The following OSGEPL1 variants were observed in gnomAD, a reference collection of about 807,000 sequenced individuals.
OSGEPL1 encodes the protein O-sialoglycoprotein endopeptidase like 1, also known as tRNA N6-adenosine threonylcarbamoyltransferase, mitochondrial.
In OSGEPL1, 26 loss-of-function variants were observed where a neutral mutation model predicts 37.2. The ratio of observed to expected loss-of-function variants is 0.70; its 90% CI spans 0.51 to 0.97. The LOEUF is 0.97. Ranked by LOEUF, OSGEPL1 falls within the 50% of genes least tolerant of loss-of-function variation. OSGEPL1 has a pLI of 0.00. For synonymous variants in OSGEPL1, 140 were observed against 159.9 expected, an observed-to-expected ratio of 0.88 and a Z score of 0.94; for missense variants, 404 against 487.0, an observed-to-expected ratio of 0.83 and a Z score of 1.60.
chr2:189,753,779 A>G, intron 5 of OSGEPL1, 137 bp downstream of exon 5: 1 of 944,982 alleles, frequency 1.1e-6, no homozygotes, highest in South Asian at 1.8e-5. Flanking sequence ...AGTCTTTCCT[A>G]TCCTGCATAA....
upstream of OSGEPL1, chr2:189,762,954 TAC>T (rs1434801995): frequency 1.0e-6 from 1 of 985,328 alleles, no homozygotes; most frequent in African/African-American, 1.7e-5. Flanking sequence ...TCTGTAAAAT[TAC>T]ACAGCTAGTG....
chr2:189,759,494 C>T (rs2106070758), intron 2 of OSGEPL1, among the ~76,000 whole-genome samples: 1 of 152,286 alleles, frequency 6.6e-6, no homozygotes, highest in South Asian at 2.1e-4. Flanking sequence ...TCATGGTCCA[C>T]TTGCCTCGGC....
intron 2 of OSGEPL1, among the ~76,000 whole-genome samples, chr2:189,756,094 G>A (rs1269855736): frequency 6.6e-6 from 1 of 152,168 alleles, no homozygotes; most frequent in Non-Finnish European, 1.5e-5. Context: ...GAATGACCGG[G>A]AGAAAAGAAA....
chr2:189,747,809 T>C (rs2044384066), intron 8 of OSGEPL1, among the ~76,000 whole-genome samples: 1 of 152,106 alleles, frequency 6.6e-6, no homozygotes, highest in Non-Finnish European at 1.5e-5. Flanking sequence ...CCTCAGCCTC[T>C]TGAGTAGCTG....
At chr2:189,762,834 G>A (rs1355479660), upstream of OSGEPL1, 1 of 985,346 alleles carries the variant, frequency 1.0e-6, no homozygotes, top group East Asian at 1.1e-4. Context: ...GCTGGCTGCT[G>A]TTCCGCTAGC....
chr2:189,761,593 T>C lies in OSGEPL1; in HGVS notation c.48A>G (p.Lys16=). The C allele has an allele frequency of 1.2e-6, 2 of 1,609,084 alleles. No homozygotes were observed. The change falls in exon 2 of 9, where the codon AAA becomes AAG. Residue 16 remains lysine, a synonymous_variant. Transcript: ENST00000264151. ...TTCTTAAAAATTCATAAACTTTCCT[T>C]TTTGATGGTTTAAAAAAAACTCCTG... is the stretch of plus-strand genomic sequence containing the variant. ...KTAGVFFKPS[K]RKVYEFLRSF...
rs2045025750 is a variant in OSGEPL1, at chr2:189,750,660, C to A, written c.1167-4G>T. 1 of 1,567,648 alleles carries A rather than the reference C, an allele frequency of 6.4e-7. No individual in the cohort carries two copies. The highest frequency in any genetic ancestry group is 8.6e-7 in the Non-Finnish European group (1 of 1,158,444). On this transcript the variant is annotated splice_polypyrimidine_tract_variant and splice_region_variant and intron_variant, in intron 7 of 8. Transcript: ENST00000264151. ...TATGTCTACTCCAAGAGGACATCTACATCATAAGCAGACAAATCGTATTAT... is the reference window on the plus strand; with the variant it reads ...TATGTCTACTCCAAGAGGACATCTAAATCATAAGCAGACAAATCGTATTAT...
At chr2:189,762,416 T>C (rs2047218767) in intron 1 of OSGEPL1, 2 of 210,202 alleles carry the variant, frequency 9.5e-6, no homozygotes, top group African/African-American at 4.7e-5. Flanking sequence ...GGATTAGAGA[T>C]GAGCGACCTA....
chr2:189,762,524 A>T, intron 1 of OSGEPL1, 161 bp downstream of exon 1: 1 of 884,130 alleles, frequency 1.1e-6, no homozygotes, highest in Non-Finnish European at 1.4e-6. Context: ...GATTGTACGA[A>T]GCACTACCCT....
At chr2:189,754,911 T>G in intron 3 of OSGEPL1, 1 of 434,120 alleles carries the variant, frequency 2.3e-6, no homozygotes, top group East Asian at 4.5e-5. Flanking sequence ...CATACATTAT[T>G]TGGCAAAATA....
Position 189,752,998 on chromosome 2 carries a change from C to T in OSGEPL1, c.964-19G>A. On this transcript the variant is annotated intron_variant, in intron 5 of 8. Coordinates refer to ENST00000264151, the MANE Select transcript of OSGEPL1 (RefSeq NM_022353.3). The stretch of plus-strand genomic sequence containing the variant: ...ATGCAACCTGAAGGAATTGAGAAAA[C>T]CAAAATAACTATCATATATGGATAT... 6.3e-7 allele frequency: 1 copy of T among 1,591,700 alleles called. No individual in the cohort carries two copies. Among genetic ancestry groups the T allele is most frequent in the African/African-American group, 1.3e-5 (1 of 74,074 alleles).
At chr2:189,762,396 G>T in intron 1 of OSGEPL1, 1 of 178,316 alleles carries the variant, frequency 5.6e-6, no homozygotes, top group Non-Finnish European at 1.1e-5. Flanking sequence ...AAAGGGACAC[G>T]GCATCCCAGG....
intron 2 of OSGEPL1, among the ~76,000 whole-genome samples, chr2:189,758,816 A>G (rs1355012669): frequency 2.0e-5 from 3 of 152,236 alleles, no homozygotes; most frequent in African/African-American, 7.2e-5. Flanking sequence ...ATAAATTGTG[A>G]AAGTATTACA....
At chr2:189,759,903 C>A (rs547777264) in intron 2 of OSGEPL1, among the ~76,000 whole-genome samples, 2 of 152,078 alleles carry the variant, frequency 1.3e-5, no homozygotes. Context: ...GAGGACTCTG[C>A]GGCCTTCTGC....
chr2:189,762,869 G>A (rs1559181266), upstream of OSGEPL1: 1 of 985,302 alleles, frequency 1.0e-6, no homozygotes, highest in African/African-American at 1.7e-5. Context: ...GTGAAGAAAA[G>A]CTTAAAGGCC....
At chr2:189,748,103 T>C (rs1292364893) in intron 8 of OSGEPL1, among the ~76,000 whole-genome samples, 1 of 152,224 alleles carries the variant, frequency 6.6e-6, no homozygotes, top group African/African-American at 2.4e-5. Flanking sequence ...ATTGAAAGTA[T>C]ATATTAATTA....
chr2:189,747,516 C>T (rs1279954144), intron 8 of OSGEPL1, among the ~76,000 whole-genome samples: 1 of 152,016 alleles, frequency 6.6e-6, no homozygotes, highest in Non-Finnish European at 1.5e-5. Context: ...CAGTGTTGCT[C>T]ATTCTCCATA....
At chr2:189,760,211 C>A (rs1362914585) in intron 2 of OSGEPL1, among the ~76,000 whole-genome samples, 4 of 152,344 alleles carry the variant, frequency 2.6e-5, no homozygotes, top group African/African-American at 9.6e-5. Flanking sequence ...CCACATTTCC[C>A]CCTTTTCTAT....
chr2:189,753,345 T>C (rs2045586188), intron 5 of OSGEPL1, among the ~76,000 whole-genome samples: 2 of 152,200 alleles, frequency 1.3e-5, no homozygotes, highest in Non-Finnish European at 1.5e-5. Flanking sequence ...ATTCCATCTA[T>C]GAATTACTAC....
Sources: gnomAD v4.1 joint callset for allele counts (sites outside exome capture counted in the v4.1 genomes callset) on GRCh38, gnomAD v4.1.1 for gene constraint, MANE v1.5 for transcripts, NCBI Gene and HGNC (gene_info 2026-07-23, HGNC 2026-07-21) for gene names.